Variants in GPC5 observed in about 807,000 individuals in gnomAD.
GPC5 encodes the protein glypican-5.
GPC5 carries 47 observed loss-of-function variants against 53.9 expected under a neutral mutation model. The observed-to-expected ratio is 0.87, with a 90% CI of 0.69 to 1.11. The LOEUF is 1.11. GPC5 is among the 50% of genes most tolerant of loss of function. The pLI, the probability that GPC5 is intolerant of heterozygous loss-of-function variation, is 0.00. For missense variants in GPC5, 748 were observed against 713.1 expected (o/e 1.05, Z -0.56); for synonymous variants, 286 against 263.3 (o/e 1.09, Z -0.84).
At chr13:91,536,213 G>A (rs1389478776) in intron 2 of GPC5, among the ~76,000 whole-genome samples, 1 of 152,076 alleles carries the variant, frequency 6.6e-6, no homozygotes, top group Non-Finnish European at 1.5e-5. Context: ...ACAAAATCTG[G>A]CAAAAATGTC....
At chr13:91,848,368 A>C (rs2038875434) in intron 5 of GPC5, among the ~76,000 whole-genome samples, 1 of 152,238 alleles carries the variant, frequency 6.6e-6, no homozygotes, top group African/African-American at 2.4e-5. Flanking sequence ...AGTAGTGGAA[A>C]CTAGGAATTT....
At chr13:91,721,695 T>C (rs2036477949) in intron 3 of GPC5, among the ~76,000 whole-genome samples, 1 of 152,202 alleles carries the variant, frequency 6.6e-6, no homozygotes, top group African/African-American at 2.4e-5. Context: ...GGCCTTTCTT[T>C]CTCTTCTATT....
intron 7 of GPC5, among the ~76,000 whole-genome samples, chr13:92,647,382 C>T (rs573731141): frequency 1.2e-4 from 19 of 152,258 alleles, no homozygotes; most frequent in African/African-American, 4.6e-4. Context: ...GATGTCAGTG[C>T]TCCTGTTTCA....
intron 7 of GPC5, among the ~76,000 whole-genome samples, chr13:92,622,771 A>T (rs1247449991): frequency 6.6e-6 from 1 of 152,136 alleles, no homozygotes; most frequent in Admixed American, 6.6e-5. Flanking sequence ...CTTTTTAAAA[A>T]ATCATCATCA....
At position 91,399,052 on chromosome 13, in the gene GPC5, C is replaced by A; in HGVS notation, c.6C>A (p.Asp2Glu). M[D>E]AQTWPVGFRC... ...AGGGGACCAGGACGGCGAGGATGGA[C>A]GCACAGACCTGGCCCGTGGGCTTTC... Residue 2 changes from aspartate to glutamate, a missense_variant, in exon 1 of 8, where the codon GAC (aspartate) becomes GAA (glutamate). Physicochemically the swap from Asp to Glu is conservative, Grantham distance 45. Transcript: ENST00000377067. 6.4e-7 allele frequency: 1 copy of A among 1,553,904 alleles called. No individual in the cohort carries two copies. Among genetic ancestry groups the A allele is most frequent in the Non-Finnish European group, 8.7e-7 (1 of 1,149,070 alleles).
At chr13:92,348,415 G>A (rs758945184) in intron 7 of GPC5, among the ~76,000 whole-genome samples, 4 of 151,998 alleles carry the variant, frequency 2.6e-5, no homozygotes, top group African/African-American at 4.8e-5. Flanking sequence ...CAACATTGGA[G>A]CACCTAAAAA....
At chr13:92,856,649 A>G (rs1180433981) in intron 7 of GPC5, among the ~76,000 whole-genome samples, 7 of 152,132 alleles carry the variant, frequency 4.6e-5, no homozygotes, top group South Asian at 4.1e-4. Context: ...AGGATACAAA[A>G]TCAATGTACA....
At chr13:91,613,331 G>T (rs530784273) in intron 2 of GPC5, among the ~76,000 whole-genome samples, 69 of 152,260 alleles carry the variant, frequency 4.5e-4, no homozygotes, top group African/African-American at 1.4e-3. Context: ...AATTTGTGCA[G>T]GGAAACTCCC....
At chr13:92,244,821 C>T (rs1442378768) in intron 7 of GPC5, among the ~76,000 whole-genome samples, 1 of 151,932 alleles carries the variant, frequency 6.6e-6, no homozygotes, top group Non-Finnish European at 1.5e-5. Context: ...GGGTGGATCA[C>T]GAGGTCAAAG....
intron 2 of GPC5, among the ~76,000 whole-genome samples, chr13:91,508,715 CAT>C (rs1264098433): frequency 6.6e-6 from 1 of 152,138 alleles, no homozygotes; most frequent in Non-Finnish European, 1.5e-5. Flanking sequence ...TGACTATAAA[CAT>C]ATATCTAATT....
intron 7 of GPC5, among the ~76,000 whole-genome samples, chr13:92,353,628 A>C (rs544306891): frequency 5.3e-5 from 8 of 152,334 alleles, no homozygotes; most frequent in Admixed American, 1.3e-4. Context: ...AAAATTACTA[A>C]GTAAATAAAT....
intron 7 of GPC5, among the ~76,000 whole-genome samples, chr13:92,543,848 A>T (rs1046045226): frequency 6.6e-6 from 1 of 152,070 alleles, no homozygotes; most frequent in Non-Finnish European, 1.5e-5. Context: ...TAACTATTGC[A>T]GTTTACACTT....
At chr13:91,471,020 T>TA (rs988575054) in intron 2 of GPC5, among the ~76,000 whole-genome samples, 3 of 151,956 alleles carry the variant, frequency 2.0e-5, no homozygotes, top group Non-Finnish European at 2.9e-5. Flanking sequence ...GACCTTATGT[T>TA]AAAAAAAACA....
rs376191511 is a variant in GPC5, at chr13:92,411,277, T to TA, written c.1561+266297dup. ...ATAGCGAGACTCTATCTCAAAAAGA[T>TA]AAAAAAAAAGAATGCTTACTTGAGA... On this transcript the variant is annotated intron_variant, in intron 7 of 7. Transcript: ENST00000377067. 3.2e-3 allele frequency among the ~76,000 whole-genome samples: 481 copies of TA among 150,830 alleles called. 3 individuals are homozygous for TA. Among genetic ancestry groups the TA allele is most frequent in the Middle Eastern group, 6.8e-3 (2 of 294 alleles).
chr13:92,577,408 A>ATG (rs1161636707), intron 7 of GPC5, among the ~76,000 whole-genome samples: 12 of 118,174 alleles, frequency 1.0e-4, no homozygotes, highest in African/African-American at 3.9e-4. Context: ...GAATGTAAGT[A>ATG]TGTATGTATA....
intron 3 of GPC5, among the ~76,000 whole-genome samples, chr13:91,718,099 TTTGTTGTTG>T (rs200812685): frequency 2.7e-4 from 41 of 151,354 alleles, no homozygotes; most frequent in Non-Finnish European, 4.9e-4. Flanking sequence ...TCCCCTAATC[TTTGTTGTTG>T]TTGTTGTTGT....
At chr13:91,815,155 C>T (rs1045202555) in intron 5 of GPC5, among the ~76,000 whole-genome samples, 1 of 152,076 alleles carries the variant, frequency 6.6e-6, no homozygotes, top group Non-Finnish European at 1.5e-5. Flanking sequence ...CACTTGAAGC[C>T]AGGAGTTTAA....
chr13:92,347,865 T>A (rs9589516), intron 7 of GPC5, among the ~76,000 whole-genome samples: 362 of 13,474 alleles, frequency 0.027, 40 homozygotes, highest in African/African-American at 0.22. Context: ...ATATATATAT[T>A]ATATATATAA....
At chr13:92,727,509 T>G (rs566082160) in intron 7 of GPC5, among the ~76,000 whole-genome samples, 58 of 151,580 alleles carry the variant, frequency 3.8e-4, no homozygotes, top group African/African-American at 1.4e-3. Flanking sequence ...AACTGATTTC[T>G]GCATGGGTGT....
Sources: gnomAD v4.1 joint callset for allele counts (sites outside exome capture counted in the v4.1 genomes callset) on GRCh38, gnomAD v4.1.1 for gene constraint, MANE v1.5 for transcripts, NCBI Gene and HGNC (gene_info 2026-07-23, HGNC 2026-07-21) for gene names.